Variants in TNR observed in about 807,000 individuals in gnomAD.
TNR encodes tenascin R, also known as tenascin-R.
In TNR, 45 loss-of-function variants were observed where a neutral mutation model predicts 150.4. The observed-to-expected ratio is 0.30, with a 90% CI of 0.24 to 0.38. TNR has a LOEUF of 0.38. Ranked by LOEUF, TNR falls within the 10% of genes least tolerant of loss-of-function variation. TNR has a pLI of 1.00. For missense variants in TNR, 1,544 were observed against 1,759.1 expected (o/e 0.88, Z 2.19); for synonymous variants, 687 against 678.4 (o/e 1.01, Z -0.20).
intron 1 of TNR, among the ~76,000 whole-genome samples, chr1:175,708,707 G>A (rs1457475726): frequency 6.6e-6 from 1 of 152,182 alleles, no homozygotes; most frequent in African/African-American, 2.4e-5. Flanking sequence ...GGACTTGGTG[G>A]TGAGATGATA....
At chr1:175,608,414 C>T (rs764812075) in intron 1 of TNR, among the ~76,000 whole-genome samples, 3 of 152,000 alleles carry the variant, frequency 2.0e-5, no homozygotes, top group Non-Finnish European at 2.9e-5. Flanking sequence ...GAAGTAAATG[C>T]AATTGTAAGT....
chr1:175,692,090 A>G lies in TNR; in HGVS notation c.-165+51136T>C, dbSNP rs375919188. ...ACTTCACAGTCAAAATGCTATTACC[A>G]GAGGTGGAAGTAACAATGAATGGAG... On this transcript the variant is annotated intron_variant, in intron 1 of 22. Coordinates refer to ENST00000367674, the MANE Select transcript of TNR (RefSeq NM_003285.3). Among the ~76,000 whole-genome samples the G allele has an allele frequency of 5.9e-5, 9 of 152,338 alleles. 1 individual carries two copies. The South Asian group carries it at 8.3e-4, about 14-fold the overall frequency.
intron 9 of TNR, among the ~76,000 whole-genome samples, chr1:175,369,612 T>A (rs1411326731): frequency 6.6e-6 from 1 of 152,196 alleles, no homozygotes; most frequent in Non-Finnish European, 1.5e-5. Context: ...GAGTACATCA[T>A]CTTTTTATAA....
intron 1 of TNR, among the ~76,000 whole-genome samples, chr1:175,680,523 AC>A (rs1443981058): frequency 6.6e-6 from 1 of 152,152 alleles, no homozygotes; most frequent in Non-Finnish European, 1.5e-5. Context: ...TGACAGCTGA[AC>A]CCTGTGTGCC....
At chr1:175,331,070 T>TTTCC (rs1557867970) in intron 20 of TNR, among the ~76,000 whole-genome samples, 1,307 of 113,300 alleles carry the variant, frequency 0.012, 7 homozygotes, top group Middle Eastern at 0.018. Context: ...TCTTTCTTTC[T>TTTCC]TTCTTTCCTT....
At chr1:175,644,380 G>T (rs573852268) in intron 1 of TNR, among the ~76,000 whole-genome samples, 1 of 152,176 alleles carries the variant, frequency 6.6e-6, no homozygotes, top group Non-Finnish European at 1.5e-5. Context: ...ATATTATACC[G>T]CAGTCTAACC....
At chr1:175,523,236 C>T (rs575376765) in intron 2 of TNR, among the ~76,000 whole-genome samples, 4 of 152,212 alleles carry the variant, frequency 2.6e-5, no homozygotes, top group South Asian at 2.1e-4. Context: ...TTCCCCAAAA[C>T]CTGAAGAACT....
At chr1:175,514,339 C>G (rs1268526601) in intron 2 of TNR, among the ~76,000 whole-genome samples, 1 of 152,222 alleles carries the variant, frequency 6.6e-6, no homozygotes, top group Admixed American at 6.5e-5. Flanking sequence ...ATGGAAAATG[C>G]AAGAAAACAT....
intron 15 of TNR, among the ~76,000 whole-genome samples, chr1:175,358,798 G>C (rs528067875): frequency 1.3e-5 from 2 of 152,212 alleles, no homozygotes; most frequent in East Asian, 1.9e-4. Flanking sequence ...TCAAGATTTC[G>C]TGTTAGTTAA....
At chr1:175,555,282 C>T (rs1661108695) in intron 1 of TNR, among the ~76,000 whole-genome samples, 1 of 152,056 alleles carries the variant, frequency 6.6e-6, no homozygotes, top group Non-Finnish European at 1.5e-5. Context: ...CAAATTCTTG[C>T]AAGTGTCAGA....
At chr1:175,532,661 A>G (rs184277488) in intron 1 of TNR, among the ~76,000 whole-genome samples, 2 of 152,232 alleles carry the variant, frequency 1.3e-5, no homozygotes, top group African/African-American at 4.8e-5. Flanking sequence ...GAAGCAGTTT[A>G]TCTGAGTGGT....
At chr1:175,331,475 G>A (rs1164628136) in intron 20 of TNR, among the ~76,000 whole-genome samples, 2 of 152,092 alleles carry the variant, frequency 1.3e-5, no homozygotes, top group East Asian at 3.9e-4. Context: ...GTGTTAGCCA[G>A]GATGGTCTCG....
At chr1:175,543,069 G>A (rs186363219) in intron 1 of TNR, among the ~76,000 whole-genome samples, 9 of 152,270 alleles carry the variant, frequency 5.9e-5, no homozygotes, top group Admixed American at 5.9e-4. Flanking sequence ...TATAAATAAC[G>A]TTTGAACACA....
In TNR at chr1:175,366,192, T is replaced by A. The variant is rs2102014520; in HGVS notation, c.2054-54A>T. The A allele has an allele frequency of 6.6e-6, 10 of 1,519,804 alleles. No homozygotes were observed. In the South Asian group the frequency reaches 1.3e-4, roughly 20 times the overall value. 94.1% of individuals were successfully genotyped at this position (1,519,804 alleles called of 1,614,324 possible). A position where few individuals can be genotyped will look rare whatever the true frequency, so the allele number is the denominator to read the frequency against. ...ACATGTGTTCCCCTGGAGGGCAGTATTTATTGGCCTGCTTTGTGTGTTTCC... is the reference window on the plus strand; with the variant it reads ...ACATGTGTTCCCCTGGAGGGCAGTAATTATTGGCCTGCTTTGTGTGTTTCC... On this transcript the variant is annotated intron_variant, in intron 10 of 22. Coordinates refer to ENST00000367674, the MANE Select transcript of TNR (RefSeq NM_003285.3).
chr1:175,595,286 T>C (rs1348853379), intron 1 of TNR, among the ~76,000 whole-genome samples: 3 of 152,156 alleles, frequency 2.0e-5, no homozygotes, highest in Non-Finnish European at 4.4e-5. Context: ...CCTCAGAAAA[T>C]TAAAGCTGAA....
At chr1:175,424,070 A>T (rs1168844444) in intron 2 of TNR, among the ~76,000 whole-genome samples, 1 of 152,202 alleles carries the variant, frequency 6.6e-6, no homozygotes, top group Admixed American at 6.5e-5. Flanking sequence ...ATACAGAAAG[A>T]TTGTATTTTT....
At chr1:175,346,413 T>G (rs888243641) in intron 18 of TNR, among the ~76,000 whole-genome samples, 1 of 152,070 alleles carries the variant, frequency 6.6e-6, no homozygotes, top group African/African-American at 2.4e-5. Context: ...GTACTTGGAT[T>G]GTTACACAAA....
intron 1 of TNR, among the ~76,000 whole-genome samples, chr1:175,575,677 G>A (rs975058705): frequency 6.6e-6 from 1 of 152,206 alleles, no homozygotes; most frequent in Non-Finnish European, 1.5e-5. Flanking sequence ...GATGGGCCTT[G>A]AAGGCTAGAT....
chr1:175,617,700 C>T (rs534857193), intron 1 of TNR, among the ~76,000 whole-genome samples: 1 of 152,138 alleles, frequency 6.6e-6, no homozygotes, highest in Non-Finnish European at 1.5e-5. Flanking sequence ...CTGGCTGAAG[C>T]CTTTGGAATA....
Sources: gnomAD v4.1 joint callset for allele counts (sites outside exome capture counted in the v4.1 genomes callset) on GRCh38, gnomAD v4.1.1 for gene constraint, MANE v1.5 for transcripts, NCBI Gene and HGNC (gene_info 2026-07-23, HGNC 2026-07-21) for gene names.